Variants in CENPP observed in about 807,000 individuals in gnomAD.
CENPP encodes centromere protein P.
Under a neutral mutation model 35.6 loss-of-function variants are expected in CENPP, and 24 were observed. The observed-to-expected ratio is 0.67, with a 90% CI of 0.49 to 0.95. The LOEUF (loss-of-function observed/expected upper bound fraction) is 0.95, where lower values mean the gene tolerates loss of function less well. CENPP is among the 40% of genes least tolerant of loss of function. CENPP has a pLI of 0.00. For synonymous variants in CENPP, 120 were observed against 125.5 expected (o/e 0.96, Z 0.29); for missense variants, 332 against 345.3 (o/e 0.96, Z 0.31).
At chr9:92,349,456 T>A (rs1588049602) in intron 4 of CENPP, among the ~76,000 whole-genome samples, 1 of 150,174 alleles carries the variant, frequency 6.7e-6, no homozygotes, top group South Asian at 2.1e-4. Context: ...CAGGCTGGAG[T>A]GCTGTAGTAT....
At chr9:92,492,964 G>T (rs1846214466) in intron 5 of CENPP, among the ~76,000 whole-genome samples, 1 of 152,184 alleles carries the variant, frequency 6.6e-6, no homozygotes, top group South Asian at 2.1e-4. Flanking sequence ...CCAGCAGTCT[G>T]CTCAGGGCTA....
At chr9:92,567,373 GATATATATATATAT>G in intron 5 of CENPP, among the ~76,000 whole-genome samples, 5 of 129,090 alleles carry the variant, frequency 3.9e-5, no homozygotes, top group Non-Finnish European at 1.6e-5. Context: ...ACATAAGATA[GATATATATATATAT>G]ATATATATAG....
chr9:92,446,512 G>A (rs2131012669), intron 5 of CENPP, among the ~76,000 whole-genome samples: 1 of 152,288 alleles, frequency 6.6e-6, no homozygotes, highest in African/African-American at 2.4e-5. Context: ...AGTAACTGTA[G>A]TCTGTTGTAG....
intron 4 of CENPP, among the ~76,000 whole-genome samples, chr9:92,364,291 C>G (rs1841833317): frequency 6.6e-6 from 1 of 152,108 alleles, no homozygotes; most frequent in Non-Finnish European, 1.5e-5. Flanking sequence ...CCTTGGCCTC[C>G]CAAAGTGCTG....
chr9:92,512,186 G>A (rs1281691420), intron 5 of CENPP: 3 of 1,128,352 alleles, frequency 2.7e-6, no homozygotes, highest in Non-Finnish European at 4.0e-6. Context: ...GTACACACAT[G>A]TATGGGCATG....
Position 92,474,531 on chromosome 9 carries a change from T to C in CENPP, c.564+94672T>C, listed in dbSNP as rs141446497. ...AATGAAAAAAACTTATACACTCAGA[T>C]TATTTTTGAAATTTCAATGAGACTT... On this transcript the variant is annotated intron_variant, in intron 5 of 7. Transcript: ENST00000375587. The C allele has an allele frequency of 4.5e-3, 6,652 of 1,492,668 alleles. 10 individuals carry two copies. Among genetic ancestry groups the C allele is most frequent in the Non-Finnish European group, 5.4e-3 (6,056 of 1,128,266 alleles). 92.5% of individuals were successfully genotyped at this position (1,492,668 alleles called of 1,614,324 possible).
intron 5 of CENPP, chr9:92,457,244 A>T: frequency 6.3e-7 from 1 of 1,597,392 alleles, no homozygotes; most frequent in South Asian, 1.1e-5. Context: ...AAATGTAGGG[A>T]TTTTTGAATC....
In CENPP at chr9:92,615,976, G is replaced by A. The variant is rs1851416384; in HGVS notation, c.*2827G>A. The A allele has an allele frequency of 6.2e-7, 1 of 1,614,036 alleles. No homozygotes were observed. The highest frequency in any genetic ancestry group is 1.3e-5 in the African/African-American group (1 of 74,910). Reference sequence around the variant, plus strand: ...TATACTGATGGGGAATGCTCTCGTAGGGCTTGAGGTCAAGGTCCAGCACAG... The same window carrying A: ...TATACTGATGGGGAATGCTCTCGTAAGGCTTGAGGTCAAGGTCCAGCACAG... On this transcript the variant is annotated 3_prime_UTR_variant, in exon 8 of 8. Coordinates refer to ENST00000375587, the MANE Select transcript of CENPP (RefSeq NM_001012267.3).
At position 92,408,964 on chromosome 9, in the gene CENPP, A is replaced by T. The variant is rs144373252; in HGVS notation, c.564+29105A>T. 3.3e-5 allele frequency among the ~76,000 whole-genome samples: 5 copies of T among 152,352 alleles called. No homozygotes were observed. The East Asian group carries it at 9.6e-4, about 29-fold the overall frequency. ...AGCCTAATTGTTTGTTCAAACAAGA[A>T]ATATGAGAACCCATGTATTTTACTT... On this transcript the variant is annotated intron_variant, in intron 5 of 7. Coordinates refer to ENST00000375587, the MANE Select transcript of CENPP (RefSeq NM_001012267.3).
At chr9:92,570,283 A>G (rs530778256) in intron 5 of CENPP, among the ~76,000 whole-genome samples, 1 of 152,292 alleles carries the variant, frequency 6.6e-6, no homozygotes, top group Admixed American at 6.5e-5. Flanking sequence ...AGTTTTTGGC[A>G]TGAAGGGCTG....
chr9:92,365,527 C>T (rs78575442), intron 4 of CENPP, among the ~76,000 whole-genome samples: 1 of 150,542 alleles, frequency 6.6e-6, no homozygotes, highest in Admixed American at 6.7e-5. Flanking sequence ...TCTCCTGCCT[C>T]AGCCTCCTGA....
At chr9:92,590,577 T>C (rs1222425982) in intron 5 of CENPP, among the ~76,000 whole-genome samples, 3 of 152,176 alleles carry the variant, frequency 2.0e-5, no homozygotes, top group Non-Finnish European at 2.9e-5. Flanking sequence ...TAATCAAAGT[T>C]AGACAGTTGT....
At position 92,499,360 on chromosome 9, in the gene CENPP, CA is replaced by C. The variant is rs1327344085; in HGVS notation, c.565-111948del. ...TGACAAAGCAGCCCTAGTTGATGAG[CA>C]AAAAATTTTTTACAGAGGAATTCCA... On this transcript the variant is annotated intron_variant, in intron 5 of 7. Transcript: ENST00000375587. Among the ~76,000 whole-genome samples, 8 of 152,040 alleles carry C rather than the reference CA, an allele frequency of 5.3e-5. No individual in the cohort carries two copies. In the East Asian group the frequency reaches 1.5e-3, roughly 29 times the overall value.
chr9:92,401,843 A>G (rs1307573260), intron 5 of CENPP, among the ~76,000 whole-genome samples: 1 of 152,026 alleles, frequency 6.6e-6, no homozygotes, highest in Non-Finnish European at 1.5e-5. Flanking sequence ...CTGCCATTAG[A>G]TTACAGTGTA....
intron 5 of CENPP, among the ~76,000 whole-genome samples, chr9:92,499,028 C>A (rs1190166871): frequency 1.3e-5 from 2 of 152,082 alleles, no homozygotes; most frequent in Admixed American, 6.5e-5. Context: ...AATACTATTC[C>A]CCAAAGAAAG....
intron 5 of CENPP, among the ~76,000 whole-genome samples, chr9:92,519,318 C>T (rs1427832731): frequency 1.3e-5 from 2 of 152,144 alleles, no homozygotes; most frequent in Non-Finnish European, 2.9e-5. Context: ...AAAAGCTGAT[C>T]CTTAAATTCA....
Position 92,395,820 on chromosome 9 carries a change from C to CT in CENPP, c.564+15972dup, listed in dbSNP as rs879727834. Among the ~76,000 whole-genome samples, 370 of 141,850 alleles carry CT rather than the reference C, an allele frequency of 2.6e-3. 1 individual carries two copies. The highest frequency in any genetic ancestry group is 5.1e-3 in the African/African-American group (199 of 38,954). The allele number at this position is 141,850 out of a possible 152,430, so 93.1% of individuals were successfully genotyped here. A position where few individuals can be genotyped will look rare whatever the true frequency, so the allele number is the denominator to read the frequency against. ...GGCATCCATATATTTGATGACTTGT[C>CT]TTTTTTTTTTTCCCTCTTACTAGTT... is the stretch of plus-strand genomic sequence containing the variant. On this transcript the variant is annotated intron_variant, in intron 5 of 7. Coordinates refer to ENST00000375587, the MANE Select transcript of CENPP (RefSeq NM_001012267.3).
chr9:92,524,996 G>A (rs563658395), intron 5 of CENPP, among the ~76,000 whole-genome samples: 1 of 152,302 alleles, frequency 6.6e-6, no homozygotes, highest in South Asian at 2.1e-4. Context: ...TGCTAACCCA[G>A]TCATCTTGTT....
At chr9:92,357,518 G>A (rs1841624120) in intron 4 of CENPP, among the ~76,000 whole-genome samples, 2 of 146,400 alleles carry the variant, frequency 1.4e-5, no homozygotes, top group African/African-American at 5.1e-5. Flanking sequence ...TTTTGAGATG[G>A]AATTTCACTC....
Sources: allele counts gnomAD v4.1 joint callset (sites outside exome capture counted in the v4.1 genomes callset), GRCh38; gene constraint gnomAD v4.1.1; transcripts MANE v1.5; gene names NCBI Gene and HGNC (gene_info 2026-07-23, HGNC 2026-07-21).